Variants in CNTN5 observed in about 807,000 individuals in gnomAD.
CNTN5 encodes contactin-5.
CNTN5 carries 77 observed loss-of-function variants against 129.1 expected under a neutral mutation model. That is an observed-to-expected ratio of 0.60 (90% confidence interval 0.50 to 0.72). The LOEUF (loss-of-function observed/expected upper bound fraction) is 0.72. Among genes scored for constraint, CNTN5 ranks in the 30% least tolerant of loss-of-function variants. The pLI, the probability that CNTN5 is intolerant of heterozygous loss-of-function variation, is 0.00. For synonymous variants in CNTN5, 509 were observed against 465.6 expected (o/e 1.09, Z -1.20); for missense variants, 1,478 against 1,328.8 (o/e 1.11, Z -1.75).
chr11:99,463,331 G>A (rs541929246), intron 2 of CNTN5, among the ~76,000 whole-genome samples: 1,831 of 149,606 alleles, frequency 0.012, 35 homozygotes, highest in African/African-American at 0.041. Context: ...CCAGCTACTC[G>A]GGAGGCTGAG....
At chr11:99,483,334 C>T (rs1481889723) in intron 2 of CNTN5, among the ~76,000 whole-genome samples, 1 of 152,096 alleles carries the variant, frequency 6.6e-6, no homozygotes, top group African/African-American at 2.4e-5. Flanking sequence ...TGCGCAGTGG[C>T]CTGCTAGTAC....
intron 13 of CNTN5, among the ~76,000 whole-genome samples, chr11:100,168,111 C>T (rs1438510693): frequency 6.6e-6 from 1 of 151,818 alleles, no homozygotes; most frequent in Non-Finnish European, 1.5e-5. Flanking sequence ...AAATTTTGAA[C>T]CTTGAAGAGG....
intron 8 of CNTN5, among the ~76,000 whole-genome samples, chr11:99,994,428 G>T (rs139972201): frequency 1.3e-5 from 2 of 152,216 alleles, no homozygotes; most frequent in Non-Finnish European, 2.9e-5. Flanking sequence ...ATGAATTACC[G>T]TAGCTTTGGA....
chr11:100,007,039 C>A (rs1214540762), intron 9 of CNTN5, among the ~76,000 whole-genome samples: 2 of 152,010 alleles, frequency 1.3e-5, no homozygotes, highest in Non-Finnish European at 2.9e-5. Context: ...AGTAGTATTT[C>A]TCTTCGCTAA....
intron 3 of CNTN5, among the ~76,000 whole-genome samples, chr11:99,690,403 G>A (rs1156359697): frequency 6.6e-6 from 1 of 151,968 alleles, no homozygotes; most frequent in Non-Finnish European, 1.5e-5. Context: ...TTCTTGTTTT[G>A]TTTCTTTGTT....
chr11:99,476,477 G>A (rs1267836841), intron 2 of CNTN5, among the ~76,000 whole-genome samples: 1 of 152,086 alleles, frequency 6.6e-6, no homozygotes, highest in East Asian at 1.9e-4. Context: ...TACTTCATGA[G>A]TTATGATGCA....
intron 1 of CNTN5, among the ~76,000 whole-genome samples, chr11:99,183,276 T>C (rs536449632): frequency 6.6e-6 from 1 of 152,258 alleles, no homozygotes; most frequent in South Asian, 2.1e-4. Flanking sequence ...TGAAGAGAAA[T>C]TTTAAAAGAA....
At chr11:99,981,771 A>G (rs1214379772) in intron 8 of CNTN5, among the ~76,000 whole-genome samples, 5 of 152,196 alleles carry the variant, frequency 3.3e-5, no homozygotes. Flanking sequence ...ATTCTATGCC[A>G]TAAGTATAAT....
In CNTN5 at chr11:99,090,276, A is replaced by G. The variant is rs552220365; in HGVS notation, c.-210+69006A>G. Among the ~76,000 whole-genome samples, 5 of 152,278 alleles carry G rather than the reference A, an allele frequency of 3.3e-5. No homozygotes were observed. In the South Asian group the frequency reaches 1.0e-3, roughly 32 times the overall value. ...CTTTTAAATGGGATGTCTTATTACAAAGTAAGTAGATCAGCAGCCCCTTGA... is the reference window on the plus strand; with the variant it reads ...CTTTTAAATGGGATGTCTTATTACAGAGTAAGTAGATCAGCAGCCCCTTGA... On this transcript the variant is annotated intron_variant, in intron 1 of 24. Coordinates refer to ENST00000524871, the MANE Select transcript of CNTN5 (RefSeq NM_014361.4).
intron 3 of CNTN5, among the ~76,000 whole-genome samples, chr11:99,789,015 T>G (rs935577636): frequency 6.6e-6 from 1 of 151,738 alleles, no homozygotes; most frequent in Admixed American, 6.6e-5. Context: ...ATTGTAAAAA[T>G]CTAACATCTC....
intron 1 of CNTN5, among the ~76,000 whole-genome samples, chr11:99,248,946 C>T (rs568793367): frequency 5.9e-5 from 9 of 151,888 alleles, no homozygotes; most frequent in South Asian, 2.1e-4. Context: ...TTGGCAATGT[C>T]GGCTCTTTTT....
At chr11:99,988,998 G>A (rs926251022) in intron 8 of CNTN5, among the ~76,000 whole-genome samples, 3 of 152,000 alleles carry the variant, frequency 2.0e-5, no homozygotes, top group African/African-American at 7.3e-5. Flanking sequence ...CTGTGGATAA[G>A]GTGATTTATG....
At chr11:99,031,022 C>T (rs1294485400) in intron 1 of CNTN5, among the ~76,000 whole-genome samples, 1 of 151,900 alleles carries the variant, frequency 6.6e-6, no homozygotes, top group South Asian at 2.1e-4. Context: ...TGGTCTTGAT[C>T]TCCTGACCTC....
chr11:99,976,192 G>A (rs1486931696), intron 8 of CNTN5, among the ~76,000 whole-genome samples: 1 of 152,202 alleles, frequency 6.6e-6, no homozygotes, highest in African/African-American at 2.4e-5. Flanking sequence ...GCAAGGGGTG[G>A]AGGCCCAAGG....
intron 3 of CNTN5, among the ~76,000 whole-genome samples, chr11:99,606,952 A>C: frequency 8.1e-6 from 1 of 123,914 alleles, no homozygotes; most frequent in African/African-American, 3.0e-5. Context: ...TCAATTCAAG[A>C]TGGATTAAAG....
intron 3 of CNTN5, among the ~76,000 whole-genome samples, chr11:99,801,147 G>T (rs1218991): frequency 0.42 from 63,808 of 151,920 alleles, 14,178 homozygotes; most frequent in African/African-American, 0.58. Context: ...ATTCCCTTAG[G>T]GCTTGCTCGT....
chr11:99,643,251 A>G (rs1951834637), intron 3 of CNTN5, among the ~76,000 whole-genome samples: 1 of 151,790 alleles, frequency 6.6e-6, no homozygotes, highest in African/African-American at 2.4e-5. Flanking sequence ...AGGTGTTGGT[A>G]TGTCTCTGTA....
intron 16 of CNTN5, among the ~76,000 whole-genome samples, chr11:100,252,425 C>G (rs1021561494): frequency 2.6e-5 from 4 of 151,852 alleles, no homozygotes; most frequent in Admixed American, 1.3e-4. Context: ...TGGTATAATC[C>G]TATTTGTTTA....
chr11:99,146,064 G>A (rs1859769284), intron 1 of CNTN5, among the ~76,000 whole-genome samples: 1 of 151,978 alleles, frequency 6.6e-6, no homozygotes, highest in Admixed American at 6.6e-5. Context: ...ATAGATCCAT[G>A]TGCATATTAA....
Sources: gnomAD v4.1 joint callset for allele counts (sites outside exome capture counted in the v4.1 genomes callset) on GRCh38, gnomAD v4.1.1 for gene constraint, MANE v1.5 for transcripts, NCBI Gene and HGNC (gene_info 2026-07-23, HGNC 2026-07-21) for gene names.